Variants in ABTB3 observed in about 807,000 individuals in gnomAD.
ABTB3 encodes ankyrin repeat and BTB domain containing 3.
At chr12:107,441,996 T>G in the ABTB3 span, among the ~76,000 whole-genome samples, 1 of 152,130 alleles carries the variant, frequency 6.6e-6, no homozygotes, top group South Asian at 2.1e-4. Context: ...CTGGGGTATG[T>G]GCTTAGAATG....
At chr12:107,346,373 T>C in the ABTB3 span, among the ~76,000 whole-genome samples, 1 of 152,120 alleles carries the variant, frequency 6.6e-6, no homozygotes, top group Non-Finnish European at 1.5e-5. Flanking sequence ...TGGCCCCTTG[T>C]GATGGTCCAG....
At chr12:107,644,607 A>G in the ABTB3 span, among the ~76,000 whole-genome samples, 3 of 152,192 alleles carry the variant, frequency 2.0e-5, no homozygotes, top group African/African-American at 7.2e-5. Context: ...TGCAGGTGTG[A>G]AAATTCACAT....
the ABTB3 span, among the ~76,000 whole-genome samples, chr12:107,436,530 G>A: frequency 6.6e-6 from 1 of 152,168 alleles, no homozygotes; most frequent in Non-Finnish European, 1.5e-5. Flanking sequence ...GGAATTTCTG[G>A]AATGTTCTAA....
chr12:107,493,583 T>C, the ABTB3 span, among the ~76,000 whole-genome samples: 6 of 152,188 alleles, frequency 3.9e-5, no homozygotes, highest in Non-Finnish European at 7.3e-5. Flanking sequence ...GTTTGAATTG[T>C]GTACCTGCCA....
the ABTB3 span, among the ~76,000 whole-genome samples, chr12:107,584,311 T>C: frequency 6.6e-6 from 1 of 152,226 alleles, no homozygotes; most frequent in Non-Finnish European, 1.5e-5. Flanking sequence ...CCAACAACTG[T>C]GCAAGACAGC....
chr12:107,425,268 T>C, the ABTB3 span, among the ~76,000 whole-genome samples: 2 of 152,180 alleles, frequency 1.3e-5, no homozygotes, highest in South Asian at 2.1e-4. Flanking sequence ...TACTTCCTTA[T>C]TTTTCAAAAT....
the ABTB3 span, among the ~76,000 whole-genome samples, chr12:107,647,576 C>G: frequency 6.6e-6 from 1 of 152,124 alleles, no homozygotes; most frequent in Non-Finnish European, 1.5e-5. Context: ...AACACACATG[C>G]GAAAAGCAGT....
At chr12:107,478,369 A>G in the ABTB3 span, among the ~76,000 whole-genome samples, 1 of 152,292 alleles carries the variant, frequency 6.6e-6, no homozygotes, top group African/African-American at 2.4e-5. Flanking sequence ...TCAGACCCAT[A>G]AAGTGAAGAG....
At chr12:107,581,647 C>T in the ABTB3 span, among the ~76,000 whole-genome samples, 1 of 152,178 alleles carries the variant, frequency 6.6e-6, no homozygotes, top group Non-Finnish European at 1.5e-5. Flanking sequence ...GTTTTTTAAC[C>T]AAACCTTACA....
chr12:107,426,940 C>T, the ABTB3 span, among the ~76,000 whole-genome samples: 1 of 152,194 alleles, frequency 6.6e-6, no homozygotes, highest in Non-Finnish European at 1.5e-5. Flanking sequence ...TATTCTCCTG[C>T]TTTTTTCAAT....
At chr12:107,450,336 C>G in the ABTB3 span, among the ~76,000 whole-genome samples, 1 of 152,058 alleles carries the variant, frequency 6.6e-6, no homozygotes, top group Non-Finnish European at 1.5e-5. Flanking sequence ...AAAAGGCAAA[C>G]TAAATGGAGA....
the ABTB3 span, among the ~76,000 whole-genome samples, chr12:107,487,557 C>T: frequency 1.1e-3 from 160 of 152,240 alleles, no homozygotes; most frequent in Middle Eastern, 3.4e-3. Context: ...TGTGACTTGG[C>T]TGCCTTTTCA....
chr12:107,441,517 A>G, the ABTB3 span, among the ~76,000 whole-genome samples: 3 of 152,140 alleles, frequency 2.0e-5, no homozygotes, highest in Admixed American at 2.0e-4. Context: ...TGCTGGGCTT[A>G]ATACCTAGGT....
chr12:107,585,516 G>T, the ABTB3 span, among the ~76,000 whole-genome samples: 1 of 152,150 alleles, frequency 6.6e-6, no homozygotes, highest in Admixed American at 6.5e-5. Context: ...ATCTCACAGG[G>T]CTTGGTTCAT....
the ABTB3 span, among the ~76,000 whole-genome samples, chr12:107,467,973 C>T: frequency 1.3e-5 from 2 of 152,154 alleles, no homozygotes; most frequent in Non-Finnish European, 2.9e-5. Flanking sequence ...CCCCTCTCCC[C>T]ATGTGCAGGA....
the ABTB3 span, among the ~76,000 whole-genome samples, chr12:107,522,606 G>T: frequency 6.7e-6 from 1 of 149,644 alleles, no homozygotes; most frequent in Non-Finnish European, 1.5e-5. Context: ...ATAGAATATA[G>T]TAGAAACATT....
chr12:107,585,718 G>C, the ABTB3 span, among the ~76,000 whole-genome samples: 1 of 152,202 alleles, frequency 6.6e-6, no homozygotes, highest in Non-Finnish European at 1.5e-5. Context: ...ATAGGTGAAG[G>C]CTGGGCCTCA....
the ABTB3 span, among the ~76,000 whole-genome samples, chr12:107,500,183 G>C: frequency 6.6e-6 from 1 of 152,158 alleles, no homozygotes; most frequent in Non-Finnish European, 1.5e-5. Context: ...CTATTTATTT[G>C]TTGTGGATCC....
At chr12:107,637,328 G>A in the ABTB3 span, among the ~76,000 whole-genome samples, 1 of 152,134 alleles carries the variant, frequency 6.6e-6, no homozygotes, top group Non-Finnish European at 1.5e-5. Context: ...GGAGGTGGAA[G>A]TTGCAGTGAA....
Sources: allele counts gnomAD v4.1 joint callset (sites outside exome capture counted in the v4.1 genomes callset), GRCh38; gene constraint gnomAD v4.1.1; transcripts MANE v1.5; gene names NCBI Gene and HGNC (gene_info 2026-07-23, HGNC 2026-07-21).